Variants in TGM3 observed in about 807,000 individuals in gnomAD.
TGM3 encodes the protein protein-glutamine gamma-glutamyltransferase E.
TGM3 carries 52 observed loss-of-function variants against 73.8 expected under a neutral mutation model. The ratio of observed to expected loss-of-function variants is 0.70; its 90% CI spans 0.56 to 0.89. TGM3 has a LOEUF of 0.89. TGM3 is among the 40% of genes least tolerant of loss of function. TGM3 has a pLI of 0.00. For synonymous variants in TGM3, 372 were observed against 354.9 expected (o/e 1.05, Z -0.54); for missense variants, 928 against 909.9 (o/e 1.02, Z -0.26).
intron 8 of TGM3, among the ~76,000 whole-genome samples, chr20:2,326,421 G>A (rs1297815035): frequency 1.3e-5 from 2 of 152,208 alleles, no homozygotes; most frequent in African/African-American, 2.4e-5. Flanking sequence ...TCCTCCTCTG[G>A]CCTCCCTCTG....
chr20:2,303,008 C>A (rs1172679242), intron 1 of TGM3, among the ~76,000 whole-genome samples: 2 of 152,066 alleles, frequency 1.3e-5, no homozygotes, highest in African/African-American at 4.8e-5. Context: ...TTATGAAATG[C>A]CCAGAATAGG....
chr20:2,299,535 G>A (rs765393865), intron 1 of TGM3, among the ~76,000 whole-genome samples: 2 of 152,162 alleles, frequency 1.3e-5, no homozygotes, highest in Non-Finnish European at 2.9e-5. Context: ...AGGAAATCTC[G>A]CTTAGCAGTG....
chr20:2,325,903 G>A lies in TGM3; in HGVS notation c.1038G>A (p.Ser346=), dbSNP rs375694905. The A allele has an allele frequency of 1.9e-5, 30 of 1,592,552 alleles. No homozygotes were observed. The highest frequency in any genetic ancestry group is 1.9e-4 in the African/African-American group (14 of 74,624). Reference sequence around the variant, plus strand: ...TTGTGAGGTCTGACCTGGGCCCCTCGTACGGTGGATGGCAGGTGTTGGATG... The same window carrying A: ...TTGTGAGGTCTGACCTGGGCCCCTCATACGGTGGATGGCAGGTGTTGGATG... ...GWFVRSDLGP[S]YGGWQVLDAT... is the part of the protein sequence containing the mutation. The change falls in exon 8 of 13, where the codon TCG becomes TCA. Residue 346 remains serine, a synonymous_variant. Transcript: ENST00000381458.
Position 2,312,396 on chromosome 20 carries a change from CAAAAAAAAA to C in TGM3, c.541-485_541-477del, listed in dbSNP as rs57369938. Among the ~76,000 whole-genome samples, 24 of 60,486 alleles carry C rather than the reference CAAAAAAAAA, an allele frequency of 4.0e-4. No homozygotes were observed. In the South Asian group the frequency reaches 5.4e-3, roughly 14 times the overall value. 39.7% of individuals were successfully genotyped at this position (60,486 alleles called of 152,430 possible). A position where few individuals can be genotyped will look rare whatever the true frequency, so the allele number is the denominator to read the frequency against. On this transcript the variant is annotated intron_variant, in intron 4 of 12. Coordinates refer to ENST00000381458, the MANE Select transcript of TGM3 (RefSeq NM_003245.4). ...TGGGTGACAGAGCAAGACTCCGTCTCAAAAAAAAAAAAAAAAAAAAAAAAAGGATGGGAG... is the reference window on the plus strand; with the variant it reads ...TGGGTGACAGAGCAAGACTCCGTCTCAAAAAAAAAAAAAAAAGGATGGGAG...
At chr20:2,301,954 G>A (rs1191454237) in intron 1 of TGM3, among the ~76,000 whole-genome samples, 1 of 152,198 alleles carries the variant, frequency 6.6e-6, no homozygotes, top group African/African-American at 2.4e-5. Context: ...TCCTGCCTCG[G>A]CCTCCCAAAG....
intron 5 of TGM3, 43 bp downstream of exon 5, chr20:2,313,069 T>G (rs376246953): frequency 1.9e-6 from 3 of 1,612,716 alleles, no homozygotes; most frequent in Non-Finnish European, 2.5e-6. Context: ...TCATCATATA[T>G]TGAACACCAC....
rs1049027595 is a variant in TGM3 at position 2,340,847 on chromosome 20, C to T, written c.*266C>T. The T allele has an allele frequency of 1.7e-6, 1 of 597,624 alleles. No individual in the cohort carries two copies. The highest frequency in any genetic ancestry group is 3.1e-6 in the Non-Finnish European group (1 of 318,826). 37.0% of individuals were successfully genotyped at this position (597,624 alleles called of 1,614,324 possible). On this transcript the variant is annotated 3_prime_UTR_variant, in exon 13 of 13. Transcript: ENST00000381458. ...CTGCCTGCTCTGTGAGCCCCACAGC[C>T]CTGCTCATTCCTCACGCCCTTCAAT...
chr20:2,304,135 C>T (rs1310435172), intron 1 of TGM3, among the ~76,000 whole-genome samples: 5 of 152,142 alleles, frequency 3.3e-5, no homozygotes, highest in South Asian at 2.1e-4. Context: ...AACCTGAGAA[C>T]CTTAGACAGC....
intron 7 of TGM3, among the ~76,000 whole-genome samples, chr20:2,317,922 C>CATATATATATATATATCATATAT (rs1568627286): frequency 7.0e-6 from 1 of 143,064 alleles, no homozygotes; most frequent in African/African-American, 2.6e-5. Flanking sequence ...CTTCTCTTAG[C>CATATATATATATATATCATATAT]ATATATATAT....
rs1433108852 is a variant in TGM3 at position 2,328,131 on chromosome 20, T to C, written c.1099T>C (p.Cys367Arg). ...PQERSQGVFQ[C>R]GPASVIGVRE... is the part of the protein sequence containing the mutation. Reference sequence around the variant, plus strand: ...ATCTTGGCCTCCAGGGGTGTTCCAGTGCGGCCCCGCTTCGGTCATTGGTGT... The same window carrying C: ...ATCTTGGCCTCCAGGGGTGTTCCAGCGCGGCCCCGCTTCGGTCATTGGTGT... Residue 367 changes from cysteine to arginine, a missense_variant, in exon 9 of 13, where the codon TGC (cysteine) becomes CGC (arginine). Coordinates refer to ENST00000381458, the MANE Select transcript of TGM3 (RefSeq NM_003245.4). The surrounding 1 kb of genome is among the most constrained non-coding windows in gnomAD (Gnocchi z 5.2). 6 of 1,614,040 alleles carry C rather than the reference T, an allele frequency of 3.7e-6. No individual in the cohort carries two copies. The highest frequency in any genetic ancestry group is 5.1e-6 in the Non-Finnish European group (6 of 1,180,036).
rs544321610 is a variant in TGM3, at chr20:2,298,933, C to T, written c.7+2863C>T. ...TGCCCGGCTCCATGGCCTTCTTCCA[C>T]CTGGGACAGCGGCTACTCCCTGTTC... is the stretch of plus-strand genomic sequence containing the variant. On this transcript the variant is annotated intron_variant, in intron 1 of 12. Coordinates refer to ENST00000381458, the MANE Select transcript of TGM3 (RefSeq NM_003245.4). 1.3e-5 allele frequency among the ~76,000 whole-genome samples: 2 copies of T among 152,208 alleles called. 1 individual carries two copies. The highest frequency in any genetic ancestry group is 3.9e-4 in the East Asian group (2 of 5,128).
At chr20:2,335,382 GT>G (rs2084344327) in intron 11 of TGM3, 109 bp downstream of exon 11, 6 of 1,387,996 alleles carry the variant, frequency 4.3e-6, no homozygotes, top group Non-Finnish European at 5.9e-6. Context: ...GCAAAGGAGA[GT>G]TTTTTCTTGC....
In TGM3 at chr20:2,311,047, A is replaced by C. The variant is rs1231584980; in HGVS notation, c.458A>C (p.Glu153Ala). The change falls in exon 4 of 13, where the codon GAA becomes GCA. Residue 153 changes from glutamate to alanine, a missense_variant. Physicochemically the swap from Glu to Ala is moderately radical, Grantham distance 107. Coordinates refer to ENST00000381458, the MANE Select transcript of TGM3 (RefSeq NM_003245.4). ...SVFMGNHAER[E>A]EYVQEDAGII... ...TTTATGGGTAACCACGCTGAGAGAG[A>C]AGAGTATGTTCAGGAAGATGCCGGC... The C allele has an allele frequency of 1.2e-6, 2 of 1,614,034 alleles. No individual in the cohort carries two copies. Among genetic ancestry groups the C allele is most frequent in the African/African-American group, 2.7e-5 (2 of 75,008 alleles).
intron 7 of TGM3, among the ~76,000 whole-genome samples, chr20:2,319,215 A>G (rs1466003649): frequency 1.3e-5 from 2 of 152,158 alleles, no homozygotes; most frequent in Admixed American, 6.5e-5. Context: ...TCTTCTACAA[A>G]AGGAGATGGT....
chr20:2,340,662 C>A lies in TGM3; in HGVS notation c.*81C>A. ...CCATGGAATGAACCCCCCGCCCATG[C>A]TGTCCGGCCTGGGAAACCCTCTCCA... On this transcript the variant is annotated 3_prime_UTR_variant, in exon 13 of 13. Coordinates refer to ENST00000381458, the MANE Select transcript of TGM3 (RefSeq NM_003245.4). The A allele has an allele frequency of 6.4e-7, 1 of 1,573,070 alleles. No homozygotes were observed. The highest frequency in any genetic ancestry group is 1.8e-5 in the Admixed American group (1 of 56,716).
chr20:2,310,049 T>C, intron 2 of TGM3, 129 bp from the exon 3 acceptor site: 2 of 1,445,918 alleles, frequency 1.4e-6, no homozygotes, highest in East Asian at 2.3e-5. Flanking sequence ...TTTGTTCCAG[T>C]TACTTCCAGT....
intron 5 of TGM3, among the ~76,000 whole-genome samples, chr20:2,316,324 A>C (rs1324783277): frequency 1.3e-5 from 2 of 152,222 alleles, no homozygotes; most frequent in Non-Finnish European, 2.9e-5. Flanking sequence ...TCACACCTGT[A>C]ATCCCAGCAC....
At chr20:2,318,028 TA>T (rs1776453388) in intron 7 of TGM3, among the ~76,000 whole-genome samples, 1 of 151,348 alleles carries the variant, frequency 6.6e-6, no homozygotes, top group South Asian at 2.1e-4. Flanking sequence ...TGAAAACAAT[TA>T]TTTTTTTGAG....
At chr20:2,314,327 C>A (rs1032160222) in intron 5 of TGM3, among the ~76,000 whole-genome samples, 3 of 151,368 alleles carry the variant, frequency 2.0e-5, no homozygotes, top group Middle Eastern at 7.0e-3. Flanking sequence ...TAGAGCAAGA[C>A]CCTGTTTCCA....
Sources: allele counts gnomAD v4.1 joint callset (sites outside exome capture counted in the v4.1 genomes callset), GRCh38; gene constraint gnomAD v4.1.1; non-coding constraint Gnocchi (gnomAD v3.1); transcripts MANE v1.5; gene names NCBI Gene and HGNC (gene_info 2026-07-23, HGNC 2026-07-21).